CADM2: variants seen among roughly 807,000 people sequenced by gnomAD.
The protein encoded by CADM2 is cell adhesion molecule 2.
In CADM2, 12 loss-of-function variants were observed where a neutral mutation model predicts 49.8. That is an observed-to-expected ratio of 0.24 (90% CI 0.15 to 0.39). CADM2 has a LOEUF of 0.39. Ranked by LOEUF, CADM2 falls within the 10% of genes least tolerant of loss-of-function variation. The pLI, the probability that CADM2 is intolerant of heterozygous loss-of-function variation, is 1.00. For missense variants in CADM2, 378 were observed against 492.3 expected, an observed-to-expected ratio of 0.77 and a Z score of 2.20; for synonymous variants, 214 against 175.4, an observed-to-expected ratio of 1.22 and a Z score of -1.74.
At position 85,572,165 on chromosome 3, in the gene CADM2, C is replaced by T. The variant is rs184933041; in HGVS notation, c.62-154357C>T. Among the ~76,000 whole-genome samples the T allele has an allele frequency of 2.4e-3, 366 of 152,140 alleles. 7 individuals are homozygous for T. The highest frequency in any genetic ancestry group is 2.1e-3 in the East Asian group (11 of 5,170). Reference sequence around the variant, plus strand: ...TATAAAAATTAGCCGGGCATGGTGGCGGATGCCTGGAATCTCAGCTACTGG... The same window carrying T: ...TATAAAAATTAGCCGGGCATGGTGGTGGATGCCTGGAATCTCAGCTACTGG... On this transcript the variant is annotated intron_variant, in intron 1 of 9. Coordinates refer to ENST00000383699, the MANE Select transcript of CADM2 (RefSeq NM_001167675.2).
At chr3:85,801,077 G>C (rs951630601) in intron 2 of CADM2, 9 of 152,142 alleles carry the variant, frequency 5.9e-5, no homozygotes, top group East Asian at 1.9e-4. Flanking sequence ...CCTGGTTCTA[G>C]AAAGTCATTC....
chr3:85,887,262 AT>A (rs1273535354), intron 5 of CADM2, among the ~76,000 whole-genome samples: 1 of 151,912 alleles, frequency 6.6e-6, no homozygotes, highest in Non-Finnish European at 1.5e-5. Context: ...AACTTGTTTT[AT>A]TTTTTGTAGA....
chr3:85,964,339 C>G (rs574857802), intron 8 of CADM2, among the ~76,000 whole-genome samples: 2 of 151,666 alleles, frequency 1.3e-5, no homozygotes, highest in South Asian at 4.2e-4. Flanking sequence ...GTGTCTTTGA[C>G]TCTACCACAA....
intron 1 of CADM2, among the ~76,000 whole-genome samples, chr3:85,459,767 G>A (rs144723572): frequency 2.0e-5 from 3 of 152,170 alleles, no homozygotes; most frequent in East Asian, 1.9e-4. Context: ...CTTTTGAAGC[G>A]AGACTAAAAA....
intron 8 of CADM2, among the ~76,000 whole-genome samples, chr3:85,999,262 G>GC (rs1422971754): frequency 1.4e-5 from 2 of 145,404 alleles, no homozygotes; most frequent in African/African-American, 5.1e-5. Context: ...ACTTTGGGAG[G>GC]CCGAGGGTTG....
chr3:85,919,466 T>C (rs1233000491), intron 6 of CADM2, among the ~76,000 whole-genome samples: 2 of 151,768 alleles, frequency 1.3e-5, no homozygotes, highest in African/African-American at 4.8e-5. Flanking sequence ...ATTAGGTTAA[T>C]AACGAATGAA....
intron 2 of CADM2, among the ~76,000 whole-genome samples, chr3:85,773,826 T>C (rs540980561): frequency 6.6e-6 from 1 of 152,116 alleles, no homozygotes; most frequent in South Asian, 2.1e-4. Context: ...AAAGTATTAC[T>C]AAATAAATAT....
Position 85,769,445 on chromosome 3 carries a change from C to T in CADM2, c.89-32602C>T, listed in dbSNP as rs1478482902. Among the ~76,000 whole-genome samples the T allele has an allele frequency of 6.3e-5, 6 of 94,890 alleles. 1 individual carries two copies. Among genetic ancestry groups the T allele is most frequent in the African/African-American group, 2.6e-4 (6 of 22,856 alleles). The allele number at this position is 94,890 out of a possible 152,430, so 62.3% of individuals were successfully genotyped here. ...TATATACATATATAGTATATATACA[C>T]GTATATACATATATACATATATAGT... On this transcript the variant is annotated intron_variant, in intron 2 of 9. Coordinates refer to ENST00000383699, the MANE Select transcript of CADM2 (RefSeq NM_001167675.2).
At chr3:85,147,212 T>G (rs1472094477) in intron 1 of CADM2, among the ~76,000 whole-genome samples, 2 of 143,564 alleles carry the variant, frequency 1.4e-5, no homozygotes, top group East Asian at 2.1e-4. Flanking sequence ...GAGGCGGAGC[T>G]TGCGGTGAGC....
intron 5 of CADM2, among the ~76,000 whole-genome samples, chr3:85,912,001 G>T (rs1023240030): frequency 6.6e-6 from 1 of 150,844 alleles, no homozygotes; most frequent in African/African-American, 2.4e-5. Context: ...GAGTGCAGTG[G>T]CGCCATCTCT....
At chr3:86,039,445 C>T (rs113859145) in intron 8 of CADM2, among the ~76,000 whole-genome samples, 73 of 152,304 alleles carry the variant, frequency 4.8e-4, no homozygotes, top group African/African-American at 1.7e-3. Flanking sequence ...TATCCCACGC[C>T]TGGCTCAGAG....
chr3:85,754,252 G>T (rs2068995418), intron 2 of CADM2, among the ~76,000 whole-genome samples: 1 of 152,110 alleles, frequency 6.6e-6, no homozygotes, highest in Non-Finnish European at 1.5e-5. Flanking sequence ...CCAGCTTCAG[G>T]TGTTTCTATC....
chr3:85,370,092 A>C (rs2033097441), intron 1 of CADM2, among the ~76,000 whole-genome samples: 1 of 151,798 alleles, frequency 6.6e-6, no homozygotes, highest in South Asian at 2.1e-4. Flanking sequence ...AAGTGCCTGT[A>C]ATCCCAACTA....
chr3:85,920,019 A>G (rs1213571940), intron 6 of CADM2, among the ~76,000 whole-genome samples: 1 of 151,830 alleles, frequency 6.6e-6, no homozygotes, highest in Non-Finnish European at 1.5e-5. Flanking sequence ...GTTCTTATCT[A>G]TGCAGTCTAC....
chr3:85,901,536 C>T (rs1405177783), intron 5 of CADM2, among the ~76,000 whole-genome samples: 7 of 152,050 alleles, frequency 4.6e-5, no homozygotes, highest in South Asian at 4.1e-4. Context: ...CTTACCTTTC[C>T]GTCACATTTT....
At chr3:86,016,565 T>G (rs1342958887) in intron 8 of CADM2, among the ~76,000 whole-genome samples, 1 of 152,142 alleles carries the variant, frequency 6.6e-6, no homozygotes, top group Non-Finnish European at 1.5e-5. Context: ...AGGAAAAAGC[T>G]AGCACAAATT....
intron 1 of CADM2, among the ~76,000 whole-genome samples, chr3:85,150,534 A>G (rs930369186): frequency 6.6e-6 from 1 of 152,166 alleles, no homozygotes; most frequent in Non-Finnish European, 1.5e-5. Context: ...TACAATTGCA[A>G]TAAGAGAAAA....
At chr3:85,047,780 G>A (rs761939229) in intron 1 of CADM2, among the ~76,000 whole-genome samples, 10 of 152,058 alleles carry the variant, frequency 6.6e-5, no homozygotes, top group Admixed American at 2.0e-4. Flanking sequence ...TATCTCAGCC[G>A]TGACCACTTT....
intron 1 of CADM2, among the ~76,000 whole-genome samples, chr3:85,528,122 A>G (rs2106936797): frequency 6.6e-6 from 1 of 152,242 alleles, no homozygotes; most frequent in Non-Finnish European, 1.5e-5. Context: ...CCCACTAACC[A>G]AGCTCTCAGG....
Sources: allele counts gnomAD v4.1 joint callset (sites outside exome capture counted in the v4.1 genomes callset), GRCh38; gene constraint gnomAD v4.1.1; transcripts MANE v1.5; gene names NCBI Gene and HGNC (gene_info 2026-07-23, HGNC 2026-07-21).